Variants in B3GLCT observed in about 807,000 individuals in gnomAD.
The protein encoded by B3GLCT is beta 3-glucosyltransferase, also known as beta-1,3-glucosyltransferase.
In B3GLCT, 65 loss-of-function variants were observed where a neutral mutation model predicts 63.4. That is an observed-to-expected ratio of 1.03 (90% CI 0.84 to 1.26). The LOEUF is 1.26. Among genes scored for constraint, B3GLCT ranks in the 50% most tolerant of loss-of-function variants. The pLI, the probability that B3GLCT is intolerant of heterozygous loss-of-function variation, is 0.00. For synonymous variants in B3GLCT, 233 were observed against 219.2 expected (o/e 1.06, Z -0.55); for missense variants, 577 against 604.8 (o/e 0.95, Z 0.48).
intron 4 of B3GLCT, among the ~76,000 whole-genome samples, chr13:31,236,986 C>T (rs1296596888): frequency 1.3e-5 from 2 of 151,898 alleles, no homozygotes; most frequent in African/African-American, 2.4e-5. Flanking sequence ...ATTAGCCGGT[C>T]GTGGTGGCCA....
chr13:31,325,324 C>A (rs1407273806), intron 14 of B3GLCT, among the ~76,000 whole-genome samples: 3 of 152,108 alleles, frequency 2.0e-5, no homozygotes, highest in African/African-American at 7.2e-5. Context: ...GGAAAGAAAG[C>A]GTTATTCTCT....
chr13:31,329,955 A>G lies in B3GLCT; in HGVS notation c.*287A>G. 1 of 407,752 alleles carries G rather than the reference A, an allele frequency of 2.5e-6. No individual in the cohort carries two copies. The highest frequency in any genetic ancestry group is 4.5e-6 in the Non-Finnish European group (1 of 219,860). 25.3% of individuals were successfully genotyped at this position (407,752 alleles called of 1,614,324 possible). On this transcript the variant is annotated 3_prime_UTR_variant, in exon 15 of 15. Coordinates refer to ENST00000343307, the MANE Select transcript of B3GLCT (RefSeq NM_194318.4). ...AGCTGTGATACAGCAGTTTTTTTTT[A>G]TTGTCACAGGGAAATAAATGGTACC...
intron 12 of B3GLCT, among the ~76,000 whole-genome samples, chr13:31,294,182 G>A (rs1873818956): frequency 6.6e-6 from 1 of 152,222 alleles, no homozygotes; most frequent in Admixed American, 6.5e-5. Context: ...GAGATCCGCT[G>A]TTTGTCTGAT....
Position 31,229,277 on chromosome 13 carries a change from G to C in B3GLCT, c.253G>C (p.Ala85Pro). 2 of 1,609,168 alleles carry C rather than the reference G, an allele frequency of 1.2e-6. No individual in the cohort carries two copies. The highest frequency in any genetic ancestry group is 1.3e-5 in the African/African-American group (1 of 74,910). The change falls in exon 4 of 15, where the codon GCT (alanine) becomes CCT (proline). Residue 85 changes from alanine to proline, a missense_variant. Ala to Pro is a conservative substitution (Grantham distance 27). Coordinates refer to ENST00000343307, the MANE Select transcript of B3GLCT (RefSeq NM_194318.4). The stretch of plus-strand genomic sequence containing the variant: ...GTTAAAAAAAAGCATCTTAAAGCAG[G>C]CTGCAGATCTTACACAGGTACGTAG... ...EQLKKSILKQ[A>P]ADLTQELPSV...
intron 12 of B3GLCT, among the ~76,000 whole-genome samples, chr13:31,314,116 G>C (rs771121834): frequency 6.6e-6 from 1 of 152,180 alleles, no homozygotes; most frequent in Non-Finnish European, 1.5e-5. Context: ...ATGCCTGGAT[G>C]CCCAGGCAAG....
chr13:31,250,541 A>G (rs1448020737), intron 6 of B3GLCT, among the ~76,000 whole-genome samples: 2 of 152,240 alleles, frequency 1.3e-5, no homozygotes, highest in Non-Finnish European at 1.5e-5. Context: ...GGCGTCCGCC[A>G]TTGCTGAGGC....
intron 1 of B3GLCT, among the ~76,000 whole-genome samples, chr13:31,207,291 T>C (rs1869010031): frequency 6.6e-6 from 1 of 152,066 alleles, no homozygotes; most frequent in Admixed American, 6.6e-5. Context: ...CTGCTAATTT[T>C]TTTTTTTTGT....
chr13:31,319,845 A>G (rs534160658), intron 13 of B3GLCT, among the ~76,000 whole-genome samples: 11 of 152,264 alleles, frequency 7.2e-5, no homozygotes, highest in African/African-American at 1.9e-4. Flanking sequence ...TGTTCTTCCA[A>G]TGTCCCCCTC....
intron 12 of B3GLCT, among the ~76,000 whole-genome samples, chr13:31,315,101 A>G (rs758495613): frequency 2.6e-5 from 4 of 152,194 alleles, no homozygotes; most frequent in African/African-American, 9.6e-5. Flanking sequence ...CCCAGTCTTG[A>G]GTATGCCTTT....
At chr13:31,296,685 A>G (rs1003353756) in intron 12 of B3GLCT, among the ~76,000 whole-genome samples, 7 of 110,264 alleles carry the variant, frequency 6.3e-5, no homozygotes, top group Non-Finnish European at 1.3e-4. Flanking sequence ...ATGGAGAAAT[A>G]CTGTAAAATT....
intron 8 of B3GLCT, among the ~76,000 whole-genome samples, chr13:31,274,096 A>G (rs762473451): frequency 6.1e-4 from 93 of 152,308 alleles, no homozygotes; most frequent in South Asian, 2.1e-4. Context: ...TTAGCAATAC[A>G]TGTAAATATT....
intron 2 of B3GLCT, among the ~76,000 whole-genome samples, chr13:31,218,535 T>C (rs1217564722): frequency 6.6e-6 from 1 of 152,210 alleles, no homozygotes; most frequent in Non-Finnish European, 1.5e-5. Flanking sequence ...GTGGATGTTA[T>C]TTGTGTATGG....
chr13:31,255,153 C>T (rs1054094462), intron 6 of B3GLCT, among the ~76,000 whole-genome samples: 7 of 152,006 alleles, frequency 4.6e-5, no homozygotes, highest in African/African-American at 1.7e-4. Context: ...CGTTCCTATA[C>T]ACCAATAACA....
At chr13:31,219,164 T>C (rs918655684) in intron 2 of B3GLCT, among the ~76,000 whole-genome samples, 2 of 152,168 alleles carry the variant, frequency 1.3e-5, no homozygotes, top group African/African-American at 2.4e-5. Flanking sequence ...GTCAGGCCAG[T>C]ATCCCTGATG....
intron 6 of B3GLCT, among the ~76,000 whole-genome samples, chr13:31,249,162 C>A (rs552562547): frequency 6.6e-6 from 1 of 152,152 alleles, no homozygotes; most frequent in Non-Finnish European, 1.5e-5. Context: ...ATGTCAAACA[C>A]TGGGCAACAG....
At position 31,329,751 on chromosome 13, in the gene B3GLCT, C is replaced by G. The variant is rs1025925854; in HGVS notation, c.*83C>G. The G allele has an allele frequency of 2.7e-6, 4 of 1,472,794 alleles. No individual in the cohort carries two copies. Among genetic ancestry groups the G allele is most frequent in the Non-Finnish European group, 3.8e-6 (4 of 1,060,430 alleles). 91.2% of individuals were successfully genotyped at this position (1,472,794 alleles called of 1,614,324 possible). On this transcript the variant is annotated 3_prime_UTR_variant, in exon 15 of 15. Coordinates refer to ENST00000343307, the MANE Select transcript of B3GLCT (RefSeq NM_194318.4). Reference sequence around the variant, plus strand: ...ATCCCACTGTGCTGTGCTCACAACACTTGTGTCTGCCACATGGCATTGGGT... The same window carrying G: ...ATCCCACTGTGCTGTGCTCACAACAGTTGTGTCTGCCACATGGCATTGGGT...
chr13:31,329,909 G>A lies in B3GLCT; in HGVS notation c.*241G>A, dbSNP rs1414287984. 1.9e-6 allele frequency: 1 copy of A among 519,626 alleles called. No homozygotes were observed. Among genetic ancestry groups the A allele is most frequent in the Non-Finnish European group, 3.5e-6 (1 of 287,388 alleles). The allele number at this position is 519,626 out of a possible 1,614,324, so 32.2% of individuals were successfully genotyped here. A position where few individuals can be genotyped will look rare whatever the true frequency, so the allele number is the denominator to read the frequency against. ...ACTTATGCAGTTGTTTTAACACTTA[G>A]TGATGACTGTGTATTCTCCAAGCTG... On this transcript the variant is annotated 3_prime_UTR_variant, in exon 15 of 15. Coordinates refer to ENST00000343307, the MANE Select transcript of B3GLCT (RefSeq NM_194318.4).
At chr13:31,264,604 C>T (rs1324182313) in intron 7 of B3GLCT, among the ~76,000 whole-genome samples, 1 of 152,198 alleles carries the variant, frequency 6.6e-6, no homozygotes, top group East Asian at 1.9e-4. Flanking sequence ...TATAACCCAT[C>T]TAGCATAGCA....
intron 4 of B3GLCT, among the ~76,000 whole-genome samples, chr13:31,245,292 C>A (rs1871147019): frequency 6.6e-6 from 1 of 151,876 alleles, no homozygotes; most frequent in South Asian, 2.1e-4. Context: ...CAGTTAATAG[C>A]TGTTGATATT....
Sources: gnomAD v4.1 joint callset for allele counts (sites outside exome capture counted in the v4.1 genomes callset) on GRCh38, gnomAD v4.1.1 for gene constraint, MANE v1.5 for transcripts, NCBI Gene and HGNC (gene_info 2026-07-23, HGNC 2026-07-21) for gene names.